Variants in ARMCX4 observed in about 807,000 individuals in gnomAD.
ARMCX4 encodes the protein armadillo repeat containing X-linked 4, also known as armadillo repeat-containing X-linked protein 4.
In ARMCX4, 3 loss-of-function variants were observed where a neutral mutation model predicts 34.7. The ratio of observed to expected loss-of-function variants is 0.09; its 90% CI spans 0.04 to 0.22. The LOEUF is 0.22. Among genes scored for constraint, ARMCX4 ranks in the 10% least tolerant of loss-of-function variants. The pLI, the probability that ARMCX4 is intolerant of heterozygous loss-of-function variation, is 1.00. For missense variants in ARMCX4, 1,448 were observed against 1,720.8 expected, an observed-to-expected ratio of 0.84 and a Z score of 2.81; for synonymous variants, 513 against 632.8, an observed-to-expected ratio of 0.81 and a Z score of 2.84.
rs782535954 is a variant in ARMCX4, at chrX:101,529,979, A to T, written c.*1781-1665A>T. Among the ~76,000 whole-genome samples, 8 of 111,979 alleles carry T rather than the reference A, an allele frequency of 7.1e-5. No homozygotes were observed. In the East Asian group the frequency reaches 2.0e-3, roughly 27 times the overall value. ...TACCATTTGACCCAGCGATCCCATTACTGGGTATATACCAAAAGGATTATA... is the reference window on the plus strand; with the variant it reads ...TACCATTTGACCCAGCGATCCCATTTCTGGGTATATACCAAAAGGATTATA... On this transcript the variant is annotated intron_variant and NMD_transcript_variant, in intron 11 of 12. Transcript: ENST00000354842.
chrX:101,472,842 G>A (rs373630010), intron 4 of ARMCX4, among the ~76,000 whole-genome samples: 22 of 93,980 alleles, frequency 2.3e-4, no homozygotes, highest in Middle Eastern at 5.2e-3. Context: ...GGTACCAGCC[G>A]CTGCAAAATC....
upstream of ARMCX4, among the ~76,000 whole-genome samples, chrX:101,481,572 A>G (rs182094286): frequency 1.4e-4 from 16 of 112,022 alleles, no homozygotes; most frequent in African/African-American, 5.2e-4. Context: ...GTGTGGGGAA[A>G]TAGATCCTGT....
chrX:101,438,292 C>T (rs992499215), intron 2 of ARMCX4, among the ~76,000 whole-genome samples: 9 of 111,598 alleles, frequency 8.1e-5, no homozygotes, highest in Admixed American at 9.6e-5. Context: ...AGGCTGGGTG[C>T]GGTGGCTCAC....
intron 11 of ARMCX4, among the ~76,000 whole-genome samples, chrX:101,527,797 T>C (rs938279666): frequency 1.9e-4 from 21 of 111,513 alleles, no homozygotes; most frequent in African/African-American, 5.5e-4. Context: ...GTCAAATCTC[T>C]GAATAGACCA....
At chrX:101,467,965 G>A (rs1162572266) in intron 4 of ARMCX4, among the ~76,000 whole-genome samples, 1 of 112,064 alleles carries the variant, frequency 8.9e-6, no homozygotes, top group Non-Finnish European at 1.9e-5. Context: ...GGTTTGATTG[G>A]ATAGTGCTAA....
At chrX:101,465,798 A>G (rs1556001894) in intron 4 of ARMCX4, among the ~76,000 whole-genome samples, 1 of 112,458 alleles carries the variant, frequency 8.9e-6, no homozygotes, top group African/African-American at 3.2e-5. Context: ...CATGAAAGGC[A>G]TAAATTTAGT....
At chrX:101,505,997 A>G (rs984694749) in intron 8 of ARMCX4, among the ~76,000 whole-genome samples, 2 of 110,837 alleles carry the variant, frequency 1.8e-5, no homozygotes, top group African/African-American at 6.6e-5. Context: ...ACCTGTCATC[A>G]CTCCCGGCTA....
rs782675914 is a variant in ARMCX4, at chrX:101,492,209, C to T, written c.3620C>T (p.Ala1207Val). The T allele has an allele frequency of 5.5e-5, 63 of 1,135,424 alleles. No homozygotes were observed. The highest frequency in any genetic ancestry group is 7.2e-5 in the Non-Finnish European group (62 of 863,511). 93.6% of individuals were successfully genotyped at this position (1,135,424 alleles called of 1,213,427 possible). A position where few individuals can be genotyped will look rare whatever the true frequency, so the allele number is the denominator to read the frequency against. The change falls in exon 6 of 6, where the codon GCC becomes GTC. Residue 1207 changes from alanine (A) to valine (V), a missense_variant. Transcript: ENST00000423738. Reference sequence around the variant, plus strand: ...GAGGGGACCTGGGCTGGGGACAAGGCCAGTGGAGGAGCCTGGACTGGGGCT... The same window carrying T: ...GAGGGGACCTGGGCTGGGGACAAGGTCAGTGGAGGAGCCTGGACTGGGGCT... ...TSEGTWAGDK[A>V]SGGAWTGAEN...
intron 11 of ARMCX4, among the ~76,000 whole-genome samples, chrX:101,525,692 G>A (rs998386079): frequency 6.3e-5 from 7 of 111,039 alleles, no homozygotes; most frequent in Admixed American, 1.9e-4. Flanking sequence ...TTCAGTAGCC[G>A]ATTCAATCAA....
Position 101,489,739 on chromosome X carries a change from A to G in ARMCX4, c.1150A>G (p.Thr384Ala). The change falls in exon 6 of 6, where the codon ACC becomes GCC. Residue 384 changes from threonine (T) to alanine (A), a missense_variant. Physicochemically the swap from Thr to Ala is moderately conservative, Grantham distance 58. This residue lies in a region of ARMCX4 where 1,343 missense variants were observed against 1,540.7 expected (regional missense o/e 0.87). Transcript: ENST00000423738. ...SGARVDGRGN[T>A]NVISKAITGA... ...TGCCAGGGTTGATGGTAGGGGAAAT[A>G]CCAATGTCATATCTAAGGCAATAAC... The G allele has an allele frequency of 8.7e-7, 1 of 1,153,787 alleles. No individual in the cohort carries two copies. Among genetic ancestry groups the G allele is most frequent in the Non-Finnish European group, 1.1e-6 (1 of 871,918 alleles).
chrX:101,490,950 T>C lies in ARMCX4; in HGVS notation c.2361T>C (p.Ser787=), dbSNP rs375765551. ...AAGCTGGGATGGGTGCAACAGGCTC[T>C]GTCCAGCCCCAGGCTGTGGCTAATT... The part of the protein sequence containing the change: ...KAEAGMGATG[S]VQPQAVANSH... The change falls in exon 6 of 6, where the codon TCT becomes TCC. Residue 787 remains serine (S), a synonymous_variant. Coordinates refer to ENST00000423738, the MANE Select transcript of ARMCX4 (RefSeq NM_001256155.3). The C allele has an allele frequency of 1.6e-5, 19 of 1,154,304 alleles. No individual in the cohort carries two copies. The East Asian group carries it at 5.2e-4, about 32-fold the overall frequency.
chrX:101,432,553 C>T (rs1374064674), intron 2 of ARMCX4, among the ~76,000 whole-genome samples: 5 of 108,912 alleles, frequency 4.6e-5, no homozygotes, highest in South Asian at 7.8e-4. Context: ...CCTAGCTACT[C>T]GGGAGGCTGA....
At position 101,489,753 on chromosome X, in the gene ARMCX4, T is replaced by C; in HGVS notation, c.1164T>C (p.Ser388=). The stretch of plus-strand genomic sequence containing the variant: ...GTAGGGGAAATACCAATGTCATATC[T>C]AAGGCAATAACTGGAGCTGACATGA... ...VDGRGNTNVI[S]KAITGADMRA... The change falls in exon 6 of 6, where the codon TCT becomes TCC. Residue 388 remains serine (S), a synonymous_variant. Transcript: ENST00000423738. 2 of 1,155,396 alleles carry C rather than the reference T, an allele frequency of 1.7e-6. No individual in the cohort carries two copies. The highest frequency in any genetic ancestry group is 3.8e-5 in the South Asian group (2 of 52,694).
At chrX:101,470,559 T>C (rs888334980) in intron 4 of ARMCX4, among the ~76,000 whole-genome samples, 12 of 111,792 alleles carry the variant, frequency 1.1e-4, no homozygotes, top group Non-Finnish European at 1.9e-4. Context: ...GCTCAAGCAA[T>C]CTACCTGCCT....
chrX:101,479,571 C>A (rs1208484201), intron 4 of ARMCX4, among the ~76,000 whole-genome samples: 1 of 108,562 alleles, frequency 9.2e-6, no homozygotes, highest in African/African-American at 3.4e-5. Context: ...ACTTCCACCT[C>A]CAGGGTTCAA....
At position 101,491,152 on chromosome X, in the gene ARMCX4, G is replaced by C. The variant is rs781865147; in HGVS notation, c.2563G>C (p.Val855Leu). ...KNKVKGNPNV[V>L]SKAGAREDTV... ...TAAGGTCAAGGGCAATCCCAATGTC[G>C]TGTCTAAGGCAGGGGCCAGAGAAGA... Residue 855 changes from valine to leucine, a missense_variant, in exon 6 of 6, where the codon GTG becomes CTG. By Grantham distance (32) the Val-to-Leu change is conservative. Coordinates refer to ENST00000423738, the MANE Select transcript of ARMCX4 (RefSeq NM_001256155.3). The C allele has an allele frequency of 2.9e-5, 34 of 1,154,692 alleles. No homozygotes were observed. In the African/African-American group the frequency reaches 5.5e-4, roughly 19 times the overall value.
chrX:101,447,183 T>C (rs782420266), downstream of ARMCX4, among the ~76,000 whole-genome samples: 8 of 112,270 alleles, frequency 7.1e-5, no homozygotes, highest in East Asian at 2.2e-3. Context: ...TCTTTTATGA[T>C]CTAGTCACAC....
intron 4 of ARMCX4, among the ~76,000 whole-genome samples, chrX:101,470,710 A>G (rs1031047877): frequency 6.2e-5 from 7 of 112,245 alleles, no homozygotes; most frequent in African/African-American, 2.3e-4. Context: ...GTATATAGGT[A>G]CAACAATTTA....
chrX:101,530,515 T>C (rs1323277577), intron 11 of ARMCX4, among the ~76,000 whole-genome samples: 4 of 110,927 alleles, frequency 3.6e-5, no homozygotes, highest in Non-Finnish European at 7.6e-5. Context: ...AAAAAAGTGG[T>C]ATATAAAAAA....
Sources: allele counts gnomAD v4.1 joint callset (sites outside exome capture counted in the v4.1 genomes callset), GRCh38; gene constraint gnomAD v4.1.1; regional missense constraint gnomAD v4.1.1; transcripts MANE v1.5; gene names NCBI Gene and HGNC (gene_info 2026-07-23, HGNC 2026-07-21).